NDUFS4: variants seen among roughly 807,000 people sequenced by gnomAD.
The protein encoded by NDUFS4 is NADH:ubiquinone oxidoreductase subunit S4.
NDUFS4 carries 28 observed loss-of-function variants against 24.3 expected under a neutral mutation model. The ratio of observed to expected loss-of-function variants is 1.15; its 90% CI spans 0.85 to 1.58. NDUFS4 has a LOEUF of 1.58. Among genes scored for constraint, NDUFS4 ranks in the 40% most tolerant of loss-of-function variants. The probability of loss-of-function intolerance (pLI) is 0.00; values close to 1 mark genes in which losing one functional copy is unlikely to be tolerated. For synonymous variants in NDUFS4, 93 were observed against 69.7 expected (o/e 1.34, Z -1.67); for missense variants, 223 against 207.9 (o/e 1.07, Z -0.45).
At chr5:53,622,038 A>G (rs1751056624) in intron 2 of NDUFS4, among the ~76,000 whole-genome samples, 1 of 152,148 alleles carries the variant, frequency 6.6e-6, no homozygotes, top group Non-Finnish European at 1.5e-5. Context: ...TGTCTTTTAA[A>G]TAAATTTAGA....
chr5:53,599,234 G>T (rs1001952056), intron 1 of NDUFS4, among the ~76,000 whole-genome samples: 5 of 151,976 alleles, frequency 3.3e-5, no homozygotes, highest in African/African-American at 1.2e-4. Context: ...ATAAACATTG[G>T]TGTACAAATA....
At chr5:53,584,857 T>C (rs534463716) in intron 1 of NDUFS4, among the ~76,000 whole-genome samples, 121 of 152,230 alleles carry the variant, frequency 7.9e-4, no homozygotes, top group African/African-American at 2.7e-3. Context: ...ATCCTCTGCC[T>C]CCTGGGTTCA....
intron 1 of NDUFS4, among the ~76,000 whole-genome samples, chr5:53,567,710 CT>C (rs1242909862): frequency 6.6e-6 from 1 of 152,052 alleles, no homozygotes; most frequent in Non-Finnish European, 1.5e-5. Flanking sequence ...GACTGGTCTG[CT>C]TCCCTTTAGC....
chr5:53,674,519 G>GTAA (rs1740394118), intron 4 of NDUFS4, among the ~76,000 whole-genome samples: 1 of 151,990 alleles, frequency 6.6e-6, no homozygotes, highest in Admixed American at 6.6e-5. Flanking sequence ...GTCTTACTTA[G>GTAA]AAGAGATCTA....
At chr5:53,670,951 ATATTATT>A (rs1740193869) in intron 4 of NDUFS4, among the ~76,000 whole-genome samples, 1 of 151,486 alleles carries the variant, frequency 6.6e-6, no homozygotes, top group Admixed American at 6.6e-5. Flanking sequence ...TCTAGACTAT[ATATTATT>A]TATACTCTAC....
chr5:53,616,705 A>C (rs1249076908), intron 2 of NDUFS4, among the ~76,000 whole-genome samples: 2 of 152,118 alleles, frequency 1.3e-5, no homozygotes, highest in Non-Finnish European at 2.9e-5. Context: ...CATAGTAAGA[A>C]ATTTGAATAT....
rs1393523308 is a variant in NDUFS4, at chr5:53,658,549, A to G, written c.351-2A>G. 2 of 1,612,630 alleles carry G rather than the reference A, an allele frequency of 1.2e-6. No individual in the cohort carries two copies. Among genetic ancestry groups the G allele is most frequent in the Non-Finnish European group, 1.7e-6 (2 of 1,179,054 alleles). ...TCTTGGAAAAAAATTTGTTTCTTAC[A>G]GGGCTGATCCCTTATCCAACATGGT... On this transcript the variant is annotated splice_acceptor_variant, in intron 3 of 4. Coordinates refer to ENST00000296684, the MANE Select transcript of NDUFS4 (RefSeq NM_002495.4). LOFTEE classifies it high-confidence loss of function.
chr5:53,632,203 A>G (rs1046779015), intron 2 of NDUFS4, among the ~76,000 whole-genome samples: 5 of 152,134 alleles, frequency 3.3e-5, no homozygotes, highest in African/African-American at 9.7e-5. Context: ...TGTGTAATTG[A>G]TGTTCTGATT....
In NDUFS4 at chr5:53,683,203, A is replaced by T; in HGVS notation, c.510A>T (p.Thr170=). The T allele has an allele frequency of 1.2e-6, 2 of 1,609,138 alleles. No homozygotes were observed. Among genetic ancestry groups the T allele is most frequent in the Non-Finnish European group, 8.5e-7 (1 of 1,175,848 alleles). The part of the protein sequence containing the change: ...YGANFSWNKR[T]RVSTK ...CAAACTTTTCTTGGAACAAAAGAAC[A>T]AGAGTATCCACAAAATAGGTTGGCA... Residue 170 remains threonine (T), a synonymous_variant, in exon 5 of 5, where the codon ACA becomes ACT. Transcript: ENST00000296684.
At chr5:53,661,059 AC>A (rs1294021253) in intron 4 of NDUFS4, among the ~76,000 whole-genome samples, 1 of 152,156 alleles carries the variant, frequency 6.6e-6, no homozygotes, top group African/African-American at 2.4e-5. Flanking sequence ...GGTGTTTTAG[AC>A]ATGAAGTCCT....
At chr5:53,657,941 A>G (rs1752213057) in intron 3 of NDUFS4, among the ~76,000 whole-genome samples, 3 of 147,532 alleles carry the variant, frequency 2.0e-5, no homozygotes, top group Non-Finnish European at 4.5e-5. Flanking sequence ...AAAAAAAAAA[A>G]AGAATAAAAG....
At chr5:53,643,490 CAAG>C (rs1751759437) in intron 2 of NDUFS4, among the ~76,000 whole-genome samples, 1 of 152,078 alleles carries the variant, frequency 6.6e-6, no homozygotes, top group Non-Finnish European at 1.5e-5. Context: ...GTTGAAGACA[CAAG>C]TAGAGTTCAG....
intron 4 of NDUFS4, among the ~76,000 whole-genome samples, chr5:53,678,434 G>A (rs889240927): frequency 6.6e-6 from 1 of 152,116 alleles, no homozygotes; most frequent in Admixed American, 6.6e-5. Flanking sequence ...CGGCAGCACT[G>A]GGAGCTTTAC....
chr5:53,642,252 A>G (rs909835106), intron 2 of NDUFS4, among the ~76,000 whole-genome samples: 1 of 152,142 alleles, frequency 6.6e-6, no homozygotes, highest in Non-Finnish European at 1.5e-5. Flanking sequence ...AATGGTGCCA[A>G]AAAGGAGGTT....
chr5:53,568,207 C>G (rs950380860), intron 1 of NDUFS4, among the ~76,000 whole-genome samples: 1 of 151,896 alleles, frequency 6.6e-6, no homozygotes, highest in African/African-American at 2.4e-5. Context: ...CTTAATTTTT[C>G]TTTTATGGGC....
At chr5:53,576,552 T>G (rs1393323943) in intron 1 of NDUFS4, among the ~76,000 whole-genome samples, 3 of 152,180 alleles carry the variant, frequency 2.0e-5, no homozygotes, top group Admixed American at 6.5e-5. Context: ...GGACTGAAAA[T>G]CCCTTTCTCT....
chr5:53,614,444 C>T (rs1750787271), intron 2 of NDUFS4, among the ~76,000 whole-genome samples: 1 of 151,846 alleles, frequency 6.6e-6, no homozygotes, highest in South Asian at 2.1e-4. Flanking sequence ...AGATCTTTCC[C>T]CTACAGTATT....
intron 1 of NDUFS4, among the ~76,000 whole-genome samples, chr5:53,591,463 G>C (rs796706030): frequency 1.3e-4 from 6 of 45,144 alleles, no homozygotes; most frequent in African/African-American, 4.1e-4. Flanking sequence ...GTTTTTTTTG[G>C]GGGGGGGGGG....
intron 2 of NDUFS4, among the ~76,000 whole-genome samples, chr5:53,621,992 G>A (rs955008291): frequency 2.0e-5 from 3 of 151,892 alleles, no homozygotes; most frequent in Non-Finnish European, 1.5e-5. Flanking sequence ...GAGCCACCGC[G>A]CCCGGCCGTA....
Sources: allele counts gnomAD v4.1 joint callset (sites outside exome capture counted in the v4.1 genomes callset), GRCh38; gene constraint gnomAD v4.1.1; transcripts MANE v1.5; gene names NCBI Gene and HGNC (gene_info 2026-07-23, HGNC 2026-07-21).